The following CCDC32 variants were observed in gnomAD, a reference collection of about 807,000 sequenced individuals.
CCDC32 encodes coiled-coil domain-containing protein 32.
A neutral mutation model predicts 20.1 loss-of-function variants in CCDC32; 9 were observed. The observed-to-expected ratio is 0.45, with a 90% CI of 0.27 to 0.78. The LOEUF (loss-of-function observed/expected upper bound fraction) is 0.78. Among genes scored for constraint, CCDC32 ranks in the 30% least tolerant of loss-of-function variants. The pLI is 0.16. For synonymous variants in CCDC32, 63 were observed against 79.0 expected (o/e 0.80, Z 1.07); for missense variants, 204 against 215.5 (o/e 0.95, Z 0.33).
downstream of CCDC32, among the ~76,000 whole-genome samples, chr15:40,532,953 C>G (rs371612086): frequency 6.6e-6 from 1 of 152,032 alleles, no homozygotes; most frequent in East Asian, 1.9e-4. Flanking sequence ...AATCCTCCTG[C>G]CTCAGCTTCT....
intron 3 of CCDC32, chr15:40,539,401 T>TA: frequency 6.8e-7 from 1 of 1,472,902 alleles, no homozygotes; most frequent in South Asian, 1.2e-5. Flanking sequence ...GATAGACAGA[T>TA]ACAGTCAGAG....
Position 40,553,794 on chromosome 15 carries a change from A to T in CCDC32, c.*177T>A, listed in dbSNP as rs1890029660. ...CCCAGGTAAGTCCCTGGGGGCTTGC[A>T]GCTGTTTTCTTTGTGGAGTGGAAAT... On this transcript the variant is annotated 3_prime_UTR_variant, in exon 4 of 4. Coordinates refer to ENST00000416810, the MANE Select transcript of CCDC32 (RefSeq NM_001080792.4). 1.4e-6 allele frequency: 2 copies of T among 1,391,016 alleles called. No individual in the cohort carries two copies. Among genetic ancestry groups the T allele is most frequent in the Admixed American group, 2.9e-5 (1 of 34,150 alleles). 86.2% of individuals were successfully genotyped at this position (1,391,016 alleles called of 1,614,324 possible).
intron 3 of CCDC32, among the ~76,000 whole-genome samples, chr15:40,541,520 C>T (rs572517979): frequency 1.3e-5 from 2 of 152,236 alleles, no homozygotes; most frequent in South Asian, 4.1e-4. Context: ...TTAGTAGAGA[C>T]ATGGTTTTGC....
downstream of CCDC32, among the ~76,000 whole-genome samples, chr15:40,530,050 G>A (rs2141595714): frequency 6.6e-6 from 1 of 151,212 alleles, no homozygotes; most frequent in Admixed American, 6.6e-5. Context: ...CCAGCGTTTT[G>A]GGAGACCAAG....
downstream of CCDC32, among the ~76,000 whole-genome samples, chr15:40,530,084 G>A (rs1035409776): frequency 6.6e-6 from 1 of 150,960 alleles, no homozygotes; most frequent in African/African-American, 2.4e-5. Flanking sequence ...CTGAGGTCAG[G>A]AGTTCGAGAC....
chr15:40,529,158 C>A (rs1221279260), intron 3 of CCDC32, among the ~76,000 whole-genome samples: 1 of 152,232 alleles, frequency 6.6e-6, no homozygotes, highest in Non-Finnish European at 1.5e-5. Context: ...CCTTGGTGCA[C>A]AATATGCTAC....
chr15:40,551,198 C>T (rs562714620), downstream of CCDC32, among the ~76,000 whole-genome samples: 61 of 152,038 alleles, frequency 4.0e-4, no homozygotes, highest in Non-Finnish European at 7.1e-4. Context: ...CTGGCTAACA[C>T]GGTGAAACCC....
In CCDC32 at chr15:40,553,509, C is replaced by T; in HGVS notation, c.*462G>A. On this transcript the variant is annotated 3_prime_UTR_variant, in exon 4 of 4. Coordinates refer to ENST00000416810, the MANE Select transcript of CCDC32 (RefSeq NM_001080792.4). Reference sequence around the variant, plus strand: ...AGACTTCACTCTTACTGGCCCCACTCACGTGACAATTCACCAAGGGAATGC... The same window carrying T: ...AGACTTCACTCTTACTGGCCCCACTTACGTGACAATTCACCAAGGGAATGC... The T allele has an allele frequency of 1.0e-6, 1 of 987,580 alleles. No homozygotes were observed. Among genetic ancestry groups the T allele is most frequent in the Non-Finnish European group, 1.2e-6 (1 of 831,324 alleles). 61.2% of individuals were successfully genotyped at this position (987,580 alleles called of 1,614,324 possible).
At position 40,562,835 on chromosome 15, in the gene CCDC32, C is replaced by A. The variant is rs778160537; in HGVS notation, c.181G>T (p.Val61Phe). The A allele has an allele frequency of 6.2e-7, 1 of 1,614,232 alleles. No homozygotes were observed. Among genetic ancestry groups the A allele is most frequent in the Non-Finnish European group, 8.5e-7 (1 of 1,180,030 alleles). The change falls in exon 2 of 4, where the codon GTC (valine) becomes TTC (phenylalanine). Residue 61 changes from valine (V) to phenylalanine (F), a missense_variant. Coordinates refer to ENST00000416810, the MANE Select transcript of CCDC32 (RefSeq NM_001080792.4). ...EGQREVADFA[V>F]QPAVKPWAPL... is the part of the protein sequence containing the mutation. ...GCCCAAGGCTTTACAGCTGGCTGGA[C>A]AGCAAAGTCAGCCACCTCCCTCTGG...
chr15:40,539,105 A>G (rs1289954361), downstream of CCDC32: 3 of 711,096 alleles, frequency 4.2e-6, no homozygotes, highest in Non-Finnish European at 7.1e-6. Flanking sequence ...AGCCCAGCCC[A>G]GAAGCCCTGA....
rs749115633 is a variant in CCDC32, at chr15:40,554,033, C to T, written c.496G>A (p.Glu166Lys). Residue 166 changes from glutamate (E) to lysine (K), a missense_variant, in exon 4 of 4, where the codon GAG becomes AAG. Transcript: ENST00000416810. Reference protein sequence around the residue: ...QYLIPPESQVEKPVAEDEPAA... With the variant: ...QYLIPPESQVKKPVAEDEPAA... ...GGCTCGTCCTCGGCCACTGGCTTCT[C>T]AACCTGTGACTCTGGAGGAATCAGA... 1 of 1,613,770 alleles carries T rather than the reference C, an allele frequency of 6.2e-7. No homozygotes were observed. Among genetic ancestry groups the T allele is most frequent in the Non-Finnish European group, 8.5e-7 (1 of 1,179,960 alleles).
At chr15:40,530,993 G>A (rs1888858037), downstream of CCDC32, among the ~76,000 whole-genome samples, 1 of 151,644 alleles carries the variant, frequency 6.6e-6, no homozygotes, top group Non-Finnish European at 1.5e-5. Flanking sequence ...TACAGGCATG[G>A]GCCACCGCAC....
chr15:40,563,508 G>A (rs896059783), intron 1 of CCDC32, among the ~76,000 whole-genome samples: 5 of 152,190 alleles, frequency 3.3e-5, no homozygotes, highest in Non-Finnish European at 7.3e-5. Flanking sequence ...TGGGGGCTGG[G>A]AGGTAGAAAG....
At chr15:40,545,496 C>G (rs1242216548) in intron 3 of CCDC32, among the ~76,000 whole-genome samples, 1 of 152,188 alleles carries the variant, frequency 6.6e-6, no homozygotes, top group African/African-American at 2.4e-5. Flanking sequence ...TGTGACACAA[C>G]ACTTGGGACA....
In CCDC32 at chr15:40,563,970, G is replaced by A. The variant is rs1247002974; in HGVS notation, c.-12-943C>T. 6.8e-4 allele frequency among the ~76,000 whole-genome samples: 103 copies of A among 152,068 alleles called. 1 individual carries two copies. The highest frequency in any genetic ancestry group is 5.8e-4 in the East Asian group (3 of 5,172). ...CAAATAGCTGGGACTACAGGCACTC[G>A]CCACCACGCCCGGCTAATTTTTTGC... On this transcript the variant is annotated intron_variant, in intron 1 of 3. Transcript: ENST00000416810.
At chr15:40,544,126 C>T (rs1889514945) in intron 3 of CCDC32, among the ~76,000 whole-genome samples, 1 of 152,076 alleles carries the variant, frequency 6.6e-6, no homozygotes, top group African/African-American at 2.4e-5. Context: ...TATCCTGTAC[C>T]CCTAACCATA....
At chr15:40,564,613 A>G (rs1890894952) in intron 1 of CCDC32, among the ~76,000 whole-genome samples, 1 of 152,180 alleles carries the variant, frequency 6.6e-6, no homozygotes, top group Non-Finnish European at 1.5e-5. Context: ...CAAGGTCTGA[A>G]TAATGCCAGG....
chr15:40,559,323 C>T (rs773634571), intron 2 of CCDC32, among the ~76,000 whole-genome samples: 6 of 152,266 alleles, frequency 3.9e-5, no homozygotes, highest in African/African-American at 7.2e-5. Context: ...TTGGCCTACA[C>T]GTGACCCTCC....
At chr15:40,530,819 C>T (rs1292760286), downstream of CCDC32, among the ~76,000 whole-genome samples, 2 of 150,950 alleles carry the variant, frequency 1.3e-5, no homozygotes. Context: ...GTGATACTCC[C>T]ACCTTAGTTA....
Sources: allele counts gnomAD v4.1 joint callset (sites outside exome capture counted in the v4.1 genomes callset), GRCh38; gene constraint gnomAD v4.1.1; transcripts MANE v1.5; gene names NCBI Gene and HGNC (gene_info 2026-07-23, HGNC 2026-07-21).